Variants in UTP20 observed in about 807,000 individuals in gnomAD.
UTP20 encodes small subunit processome component 20 homolog.
In UTP20, 164 loss-of-function variants were observed where a neutral mutation model predicts 329.5. That is an observed-to-expected ratio of 0.50 (90% confidence interval 0.44 to 0.57). The LOEUF (loss-of-function observed/expected upper bound fraction) is 0.57. Ranked by LOEUF, UTP20 falls within the 20% of genes least tolerant of loss-of-function variation. UTP20 has a pLI of 0.00. For synonymous variants in UTP20, 1,151 were observed against 1,159.3 expected (o/e 0.99, Z 0.14); for missense variants, 3,055 against 3,284.2 (o/e 0.93, Z 1.71).
At chr12:101,332,085 C>A (rs1294528885) in intron 27 of UTP20, among the ~76,000 whole-genome samples, 1 of 152,168 alleles carries the variant, frequency 6.6e-6, no homozygotes, top group Non-Finnish European at 1.5e-5. Flanking sequence ...CACCTGCAAT[C>A]CCAGCACTTT....
intron 58 of UTP20, among the ~76,000 whole-genome samples, chr12:101,382,210 G>A (rs1870670233): frequency 6.6e-6 from 1 of 152,024 alleles, no homozygotes; most frequent in Non-Finnish European, 1.5e-5. Context: ...TTCAAGACCA[G>A]CCTGGCCAAC....
At chr12:101,335,504 A>G (rs1814577) in intron 29 of UTP20, among the ~76,000 whole-genome samples, 31,945 of 152,152 alleles carry the variant, frequency 0.21, 3,813 homozygotes, top group East Asian at 0.37. Context: ...TTGGCATTCT[A>G]TGTCTTTCTC....
At chr12:101,333,482 G>A (rs1868829524) in intron 28 of UTP20, 38 bp downstream of exon 28, 4 of 1,600,144 alleles carry the variant, frequency 2.5e-6, no homozygotes, top group East Asian at 2.3e-5. Context: ...TGTACGTTCT[G>A]CTTTTTCCTT....
At position 101,354,947 on chromosome 12, in the gene UTP20, C is replaced by G. The variant is rs1869668419; in HGVS notation, c.5223C>G (p.Thr1741=). 1.2e-6 allele frequency: 2 copies of G among 1,614,112 alleles called. No individual in the cohort carries two copies. Among genetic ancestry groups the G allele is most frequent in the Non-Finnish European group, 1.7e-6 (2 of 1,180,004 alleles). The change falls in exon 41 of 62, where the codon ACC becomes ACG. Residue 1741 remains threonine (T), a synonymous_variant. Transcript: ENST00000261637. ...KSLSDNGQPG[T]PDPADSGGTS... ...TGTCAGACAACGGACAACCGGGAAC[C>G]CCTGATCCAGCTGACTCTGGAGGAA...
chr12:101,365,528 G>A lies in UTP20; in HGVS notation c.6028G>A (p.Gly2010Arg). 1.2e-6 allele frequency: 2 copies of A among 1,612,662 alleles called. No individual in the cohort carries two copies. The highest frequency in any genetic ancestry group is 1.7e-6 in the Non-Finnish European group (2 of 1,179,524). ...TGAAACTTTACGCCGAATCACAGTG[G>A]GATTAATTGTAAATCAGGAAATGAC... The part of the protein sequence containing the change: ...VHETLRRITV[G>R]LIVNQEMTAE... Residue 2010 changes from glycine (G) to arginine (R), a missense_variant, in exon 46 of 62, where the codon GGA (glycine) becomes AGA (arginine). Gly to Arg is a moderately radical substitution (Grantham distance 125, BLOSUM62 -2). Transcript: ENST00000261637.
At position 101,368,051 on chromosome 12, in the gene UTP20, G is replaced by A. The variant is rs115134353; in HGVS notation, c.6384+75G>A. 7 of 1,053,448 alleles carry A rather than the reference G, an allele frequency of 6.6e-6. No homozygotes were observed. The South Asian group carries it at 8.2e-5, about 12-fold the overall frequency. 65.3% of individuals were successfully genotyped at this position (1,053,448 alleles called of 1,614,324 possible). On this transcript the variant is annotated intron_variant, in intron 48 of 61. Transcript: ENST00000261637. ...ACTATGTTTTGCAGAATACCTAATG[G>A]TTGTATTTGGGCTCAAGCTTTATGA... is the stretch of plus-strand genomic sequence containing the variant.
chr12:101,381,268 G>A (rs921009023), intron 58 of UTP20, 57 bp downstream of exon 58: 27 of 1,474,408 alleles, frequency 1.8e-5, no homozygotes, highest in African/African-American at 9.7e-5. Context: ...ATGGTGGCTC[G>A]CGCCTGTAAT....
In UTP20 at chr12:101,366,512, A is replaced by C. The variant is rs757819622; in HGVS notation, c.6126-46A>C. 6.4e-6 allele frequency: 10 copies of C among 1,567,796 alleles called. No homozygotes were observed. In the African/African-American group the frequency reaches 1.2e-4, roughly 19 times the overall value. On this transcript the variant is annotated intron_variant, in intron 46 of 61. Coordinates refer to ENST00000261637, the MANE Select transcript of UTP20 (RefSeq NM_014503.3). ...GGGCCACTCTAACTTCTTGGAATGCAGCTGACAGTGTTCTTTACCCTCTTC... is the reference window on the plus strand; with the variant it reads ...GGGCCACTCTAACTTCTTGGAATGCCGCTGACAGTGTTCTTTACCCTCTTC...
Position 101,339,869 on chromosome 12 carries a change from C to T in UTP20, c.4014-654C>T, listed in dbSNP as rs573896408. ...CAGTGTCAACAAAAAGTGATATGTT[C>T]GAATCCTCTAGAAACTTCTTTGCAA... On this transcript the variant is annotated intron_variant, in intron 31 of 61. Coordinates refer to ENST00000261637, the MANE Select transcript of UTP20 (RefSeq NM_014503.3). Among the ~76,000 whole-genome samples the T allele has an allele frequency of 1.4e-4, 21 of 152,244 alleles. No homozygotes were observed. The East Asian group carries it at 1.9e-3, about 14-fold the overall frequency.
chr12:101,379,620 G>A (rs1396901416), intron 57 of UTP20, 62 bp downstream of exon 57: 25 of 1,526,432 alleles, frequency 1.6e-5, no homozygotes, highest in Middle Eastern at 1.7e-4. Context: ...TCTGGTTCAT[G>A]TAACTATCTT....
In UTP20 at chr12:101,375,770, T is replaced by C; in HGVS notation, c.7396+14T>C. ...GTAAAATCTGGAGTAAGTATTTCCTTTTTTATTTAAATCAAACACATTTGT... is the reference window on the plus strand; with the variant it reads ...GTAAAATCTGGAGTAAGTATTTCCTCTTTTATTTAAATCAAACACATTTGT... On this transcript the variant is annotated intron_variant, in intron 56 of 61. Transcript: ENST00000261637. The C allele has an allele frequency of 1.3e-6, 2 of 1,491,528 alleles. No homozygotes were observed. Among genetic ancestry groups the C allele is most frequent in the Non-Finnish European group, 1.8e-6 (2 of 1,086,572 alleles). The allele number at this position is 1,491,528 out of a possible 1,614,324, so 92.4% of individuals were successfully genotyped here. A position where few individuals can be genotyped will look rare whatever the true frequency, so the allele number is the denominator to read the frequency against.
intron 48 of UTP20, among the ~76,000 whole-genome samples, chr12:101,368,365 T>G: frequency 6.6e-6 from 1 of 152,046 alleles, no homozygotes; most frequent in East Asian, 1.9e-4. Flanking sequence ...ACCCCTGACC[T>G]CAGATGATCC....
At chr12:101,379,625 T>C (rs1169610306) in intron 57 of UTP20, 67 bp downstream of exon 57, 1 of 1,508,328 alleles carries the variant, frequency 6.6e-7, no homozygotes, top group African/African-American at 1.4e-5. Flanking sequence ...TTCATGTAAC[T>C]ATCTTCGGGC....
Position 101,308,192 on chromosome 12 carries a change from G to A in UTP20, c.2003G>A (p.Gly668Glu). 1 of 1,605,298 alleles carries A rather than the reference G, an allele frequency of 6.2e-7. No homozygotes were observed. Among genetic ancestry groups the A allele is most frequent in the Non-Finnish European group, 8.5e-7 (1 of 1,176,286 alleles). The change falls in exon 18 of 62, where the codon GGG becomes GAG. Residue 668 changes from glycine to glutamate, a missense_variant. Physicochemically the swap from Gly to Glu is moderately conservative, Grantham distance 98 (BLOSUM62 -2). Around this residue, in one of 3 missense-constraint regions of UTP20, gnomAD observed 2,445 missense variants for 2,575.5 expected, o/e 0.95. Coordinates refer to ENST00000261637, the MANE Select transcript of UTP20 (RefSeq NM_014503.3). The part of the protein sequence containing the change: ...VQLPESMEDD[G>E]LSERQSVFAI... ...TTTTCTCTGGTTATTCAGGATGATG[G>A]GCTCTCAGAGCGGCAGTCTGTCTTT...
At chr12:101,385,482 C>T in intron 60 of UTP20, 101 bp from the exon 61 acceptor site, 1 of 1,375,286 alleles carries the variant, frequency 7.3e-7, no homozygotes, top group Non-Finnish European at 9.8e-7. Context: ...CTTGCCAGAT[C>T]AGTAGCTGGA....
chr12:101,381,042 C>T (rs1870629444), intron 57 of UTP20, 98 bp from the exon 58 acceptor site: 2 of 1,042,682 alleles, frequency 1.9e-6, no homozygotes, highest in African/African-American at 1.6e-5. Context: ...GAGCAAAATC[C>T]AGTACGTTAG....
chr12:101,340,722 A>T lies in UTP20; in HGVS notation c.4101+112A>T, dbSNP rs532658016. 8.6e-4 allele frequency: 586 copies of T among 685,052 alleles called. 5 individuals carry two copies. Among genetic ancestry groups the T allele is most frequent in the South Asian group, 8.2e-3 (461 of 56,244 alleles). 42.4% of individuals were successfully genotyped at this position (685,052 alleles called of 1,614,324 possible). On this transcript the variant is annotated intron_variant, in intron 32 of 61. Coordinates refer to ENST00000261637, the MANE Select transcript of UTP20 (RefSeq NM_014503.3). ...ATTTTGTGATGCATTTGTCGCAAGG[A>T]ACTTAAAATACTTTATATAGAAATT...
At chr12:101,358,070 C>T (rs1869786030) in intron 43 of UTP20, among the ~76,000 whole-genome samples, 1 of 152,168 alleles carries the variant, frequency 6.6e-6, no homozygotes, top group Non-Finnish European at 1.5e-5. Flanking sequence ...GATTAAGACT[C>T]CTGGTAGTTA....
chr12:101,346,643 T>C, intron 38 of UTP20, 55 bp downstream of exon 38: 1 of 1,494,936 alleles, frequency 6.7e-7, no homozygotes, highest in Non-Finnish European at 8.9e-7. Context: ...TGACACACTT[T>C]GCCAGAATAT....
Sources: gnomAD v4.1 joint callset for allele counts (sites outside exome capture counted in the v4.1 genomes callset) on GRCh38, gnomAD v4.1.1 for gene constraint, gnomAD v4.1.1 regional missense constraint, MANE v1.5 for transcripts, NCBI Gene and HGNC (gene_info 2026-07-23, HGNC 2026-07-21) for gene names.